GAS2: variants seen among roughly 807,000 people sequenced by gnomAD.
GAS2 encodes growth arrest-specific protein 2.
In GAS2, 20 loss-of-function variants were observed where a neutral mutation model predicts 37.5. The ratio of observed to expected loss-of-function variants is 0.53; its 90% confidence interval spans 0.37 to 0.77. The LOEUF (loss-of-function observed/expected upper bound fraction) is 0.77, where lower values mean the gene tolerates loss of function less well. Among genes scored for constraint, GAS2 ranks in the 30% least tolerant of loss-of-function variants. GAS2 has a pLI of 0.00. For synonymous variants in GAS2, 144 were observed against 132.2 expected (o/e 1.09, Z -0.61); for missense variants, 336 against 373.4 (o/e 0.90, Z 0.82).
chr11:22,774,168 A>G (rs1254595749), intron 7 of GAS2, among the ~76,000 whole-genome samples: 2 of 151,850 alleles, frequency 1.3e-5, no homozygotes, highest in Non-Finnish European at 2.9e-5. Flanking sequence ...TAATTTTTGT[A>G]TTTTTAGTGG....
chr11:22,801,393 T>C (rs936970473), intron 7 of GAS2, among the ~76,000 whole-genome samples: 1 of 151,954 alleles, frequency 6.6e-6, no homozygotes, highest in African/African-American at 2.4e-5. Flanking sequence ...ATTTTTCCCC[T>C]TTGGATTAAG....
intron 7 of GAS2, among the ~76,000 whole-genome samples, chr11:22,793,305 A>C (rs534381763): frequency 3.3e-5 from 5 of 152,144 alleles, no homozygotes; most frequent in Non-Finnish European, 7.3e-5. Context: ...AAATTAAAAA[A>C]ATTTTAAAAA....
chr11:22,722,351 A>G (rs993244758), intron 3 of GAS2, among the ~76,000 whole-genome samples: 1 of 151,930 alleles, frequency 6.6e-6, no homozygotes, highest in Non-Finnish European at 1.5e-5. Flanking sequence ...AGATAAAATC[A>G]GTAGTCTTGA....
intron 4 of GAS2, among the ~76,000 whole-genome samples, chr11:22,734,895 T>A (rs1231944457): frequency 6.6e-6 from 1 of 151,812 alleles, no homozygotes; most frequent in African/African-American, 2.4e-5. Context: ...ACTACCAAAG[T>A]CACCTTTTTA....
intron 1 of GAS2, among the ~76,000 whole-genome samples, chr11:22,639,785 T>C (rs989580662): frequency 6.6e-6 from 1 of 152,296 alleles, no homozygotes; most frequent in Admixed American, 6.5e-5. Context: ...CATAATAGAC[T>C]GTAACTAGAT....
intron 7 of GAS2, among the ~76,000 whole-genome samples, chr11:22,765,168 G>C (rs1273275743): frequency 6.6e-6 from 1 of 151,982 alleles, no homozygotes; most frequent in African/African-American, 2.4e-5. Context: ...TTTATATCTA[G>C]TGATGTTGTG....
chr11:22,685,669 G>T lies in GAS2; in HGVS notation c.147G>T (p.Gly49=), dbSNP rs1438155513. The change falls in exon 3 of 8, where the codon GGG becomes GGT. Residue 49 remains glycine (G), a splice_region_variant and synonymous_variant. Transcript: ENST00000454584. Reference sequence around the variant, plus strand: ...TAATGCTTCTTTTTGTTATTTCAGGGAAGGAGATTACAGCAGAAACTTTTA... The same window carrying T: ...TAATGCTTCTTTTTGTTATTTCAGGTAAGGAGATTACAGCAGAAACTTTTA... ...DLALWLTNLL[G]KEITAETFME... is the part of the protein sequence containing the mutation. The T allele has an allele frequency of 5.0e-6, 8 of 1,609,854 alleles. No homozygotes were observed. The highest frequency in any genetic ancestry group is 1.7e-5 in the Admixed American group (1 of 59,404).
At chr11:22,766,376 T>G (rs867087247) in intron 7 of GAS2, among the ~76,000 whole-genome samples, 9 of 152,170 alleles carry the variant, frequency 5.9e-5, no homozygotes, top group African/African-American at 2.2e-4. Flanking sequence ...AAGCCTTTAT[T>G]TGAATTTAAT....
At chr11:22,783,623 C>T (rs1855676794) in intron 7 of GAS2, among the ~76,000 whole-genome samples, 1 of 152,086 alleles carries the variant, frequency 6.6e-6, no homozygotes, top group South Asian at 2.1e-4. Flanking sequence ...TAGGGCCTCA[C>T]TCTGGCCCTT....
chr11:22,766,614 A>C (rs1255259366), intron 7 of GAS2, among the ~76,000 whole-genome samples: 1 of 152,220 alleles, frequency 6.6e-6, no homozygotes, highest in Non-Finnish European at 1.5e-5. Flanking sequence ...TCAAAAAACA[A>C]AAAAGCACCC....
chr11:22,698,844 A>T (rs1007768316), intron 3 of GAS2, among the ~76,000 whole-genome samples: 1 of 152,230 alleles, frequency 6.6e-6, no homozygotes, highest in African/African-American at 2.4e-5. Flanking sequence ...TCATTCATGC[A>T]GTTAATTAAT....
intron 7 of GAS2, among the ~76,000 whole-genome samples, chr11:22,764,762 T>A (rs941708098): frequency 6.6e-6 from 1 of 152,092 alleles, no homozygotes; most frequent in African/African-American, 2.4e-5. Flanking sequence ...AAACAATAAA[T>A]AAATAGAAGC....
At chr11:22,700,747 G>C (rs1311146272) in intron 3 of GAS2, among the ~76,000 whole-genome samples, 1 of 152,132 alleles carries the variant, frequency 6.6e-6, no homozygotes, top group Admixed American at 6.6e-5. Flanking sequence ...TGATTATACT[G>C]CTTGCAGTAT....
chr11:22,696,598 GC>G (rs1167139699), intron 3 of GAS2, among the ~76,000 whole-genome samples: 1 of 151,936 alleles, frequency 6.6e-6, no homozygotes, highest in East Asian at 1.9e-4. Flanking sequence ...ATCCTCTCCA[GC>G]ACCTGTTGTT....
intron 1 of GAS2, among the ~76,000 whole-genome samples, chr11:22,660,060 A>C (rs1032518637): frequency 6.6e-6 from 1 of 152,188 alleles, no homozygotes; most frequent in Non-Finnish European, 1.5e-5. Flanking sequence ...TTTAAATCTT[A>C]CCTATGCTGC....
At chr11:22,626,648 G>T (rs1226350245) in intron 1 of GAS2, 1 of 152,186 alleles carries the variant, frequency 6.6e-6, no homozygotes, top group East Asian at 1.9e-4. Context: ...GTTGCATTCT[G>T]TACAAAATGC....
intron 1 of GAS2, among the ~76,000 whole-genome samples, chr11:22,656,016 A>G (rs929519335): frequency 5.3e-5 from 8 of 152,336 alleles, no homozygotes; most frequent in Admixed American, 4.6e-4. Flanking sequence ...ACTAAAAAAT[A>G]AAAATATCTT....
intron 1 of GAS2, among the ~76,000 whole-genome samples, chr11:22,658,235 G>T (rs749110237): frequency 7.2e-5 from 11 of 151,886 alleles, no homozygotes; most frequent in Non-Finnish European, 1.3e-4. Context: ...CACCATGTTG[G>T]CCAGGCTGGT....
chr11:22,760,734 TTTTA>T (rs1854349746), intron 7 of GAS2, among the ~76,000 whole-genome samples: 1 of 152,186 alleles, frequency 6.6e-6, no homozygotes, highest in African/African-American at 2.4e-5. Flanking sequence ...AGAAAATAGT[TTTTA>T]TTTGTCAAGG....
Sources: gnomAD v4.1 joint callset for allele counts (sites outside exome capture counted in the v4.1 genomes callset) on GRCh38, gnomAD v4.1.1 for gene constraint, MANE v1.5 for transcripts, NCBI Gene and HGNC (gene_info 2026-07-23, HGNC 2026-07-21) for gene names.